ADARB2: variants seen among roughly 807,000 people sequenced by gnomAD.
ADARB2 encodes the protein inactive double-stranded RNA-specific editase B2.
A neutral mutation model predicts 62.2 loss-of-function variants in ADARB2; 25 were observed. The observed-to-expected ratio is 0.40, with a 90% CI of 0.29 to 0.56. The LOEUF is 0.56. Ranked by LOEUF, ADARB2 falls within the 20% of genes least tolerant of loss-of-function variation. The pLI, the probability that ADARB2 is intolerant of heterozygous loss-of-function variation, is 0.43. For synonymous variants in ADARB2, 572 were observed against 500.8 expected (o/e 1.14, Z -1.90); for missense variants, 1,071 against 1,077.4 (o/e 0.99, Z 0.08).
intron 3 of ADARB2, among the ~76,000 whole-genome samples, chr10:1,323,692 CAG>C (rs1831818193): frequency 6.6e-6 from 1 of 151,836 alleles, no homozygotes; most frequent in Non-Finnish European, 1.5e-5. Flanking sequence ...GGAGGAAACA[CAG>C]CCTTAAAAAA....
intron 1 of ADARB2, among the ~76,000 whole-genome samples, chr10:1,472,541 G>T (rs897412951): frequency 6.6e-6 from 1 of 152,218 alleles, no homozygotes; most frequent in African/African-American, 2.4e-5. Context: ...GGGACTTGGA[G>T]GTATGCTGGG....
rs577926634 is a variant in ADARB2 at position 1,298,920 on chromosome 10, T to G, written c.1078-27851A>C. ...ATGCCCGGTTAAGTTTTTATTTTTA[T>G]TTTTTGTAGAGATGGGGTTTCACTA... On this transcript the variant is annotated intron_variant, in intron 3 of 9. Coordinates refer to ENST00000381312, the MANE Select transcript of ADARB2 (RefSeq NM_018702.4). Among the ~76,000 whole-genome samples, 244 of 151,618 alleles carry G rather than the reference T, an allele frequency of 1.6e-3. 1 individual carries two copies. Among genetic ancestry groups the G allele is most frequent in the South Asian group, 0.011 (54 of 4,750 alleles).
rs1266769093 is a variant in ADARB2 at position 1,464,637 on chromosome 10, A to AGT, written c.101-85478_101-85477insAC. Among the ~76,000 whole-genome samples, 22 of 78,670 alleles carry AGT rather than the reference A, an allele frequency of 2.8e-4. 2 individuals carry two copies. The highest frequency in any genetic ancestry group is 5.2e-4 in the African/African-American group (12 of 23,054). The allele number at this position is 78,670 out of a possible 152,430, so 51.6% of individuals were successfully genotyped here. ...CGCGCTGGGGGCAGTCACAGCGGGCAGCACGCTGGAGAAGAGGGTGGACAC... is the reference window on the plus strand; with the variant it reads ...CGCGCTGGGGGCAGTCACAGCGGGCAGTGCACGCTGGAGAAGAGGGTGGACAC... On this transcript the variant is annotated intron_variant, in intron 1 of 9. Transcript: ENST00000381312.
intron 1 of ADARB2, among the ~76,000 whole-genome samples, chr10:1,492,624 GT>G (rs1243481146): frequency 4.6e-5 from 7 of 152,054 alleles, no homozygotes; most frequent in African/African-American, 1.7e-4. Context: ...AGGCTAATAG[GT>G]GGTCCAAGAA....
At chr10:1,266,344 T>C (rs1270860928) in intron 4 of ADARB2, among the ~76,000 whole-genome samples, 1 of 152,288 alleles carries the variant, frequency 6.6e-6, no homozygotes, top group Admixed American at 6.5e-5. Context: ...TTTAAGTAAA[T>C]GGCTGTGGTA....
chr10:1,344,483 G>A (rs932557288), intron 3 of ADARB2, among the ~76,000 whole-genome samples: 1 of 152,186 alleles, frequency 6.6e-6, no homozygotes, highest in African/African-American at 2.4e-5. Context: ...AAGGTAAAAG[G>A]CAAGAATTGT....
chr10:1,207,055 T>C (rs1056493639), intron 7 of ADARB2, among the ~76,000 whole-genome samples: 2 of 152,250 alleles, frequency 1.3e-5, no homozygotes, highest in African/African-American at 4.8e-5. Context: ...AGAGGTGTTA[T>C]GTCACTTAAG....
At chr10:1,736,607 C>T (rs1034372896) in intron 1 of ADARB2, among the ~76,000 whole-genome samples, 1 of 152,238 alleles carries the variant, frequency 6.6e-6, no homozygotes, top group South Asian at 2.1e-4. Context: ...CAGGGCTTCG[C>T]CTATCCCTTC....
chr10:1,303,738 G>T (rs1831597972), intron 3 of ADARB2, among the ~76,000 whole-genome samples: 1 of 152,092 alleles, frequency 6.6e-6, no homozygotes, highest in Non-Finnish European at 1.5e-5. Flanking sequence ...ATTCTTAAAA[G>T]AATTTTCAAC....
In ADARB2 at chr10:1,567,083, G is replaced by A. The variant is rs574243297; in HGVS notation, c.100+169968C>T. 2.0e-5 allele frequency among the ~76,000 whole-genome samples: 3 copies of A among 152,168 alleles called. No homozygotes were observed. In the South Asian group the frequency reaches 6.2e-4, roughly 32 times the overall value. On this transcript the variant is annotated intron_variant, in intron 1 of 9. Coordinates refer to ENST00000381312, the MANE Select transcript of ADARB2 (RefSeq NM_018702.4). ...TTAGAATTGTGGAAGTTTAGAGAGC[G>A]AAGGACGAACAGTAGGAAGGCCAGT...
chr10:1,424,600 C>G (rs188205579), intron 1 of ADARB2, among the ~76,000 whole-genome samples: 9 of 151,758 alleles, frequency 5.9e-5, no homozygotes, highest in African/African-American at 2.2e-4. Flanking sequence ...TTAGTGCCCA[C>G]GGAAGCTTGG....
intron 1 of ADARB2, among the ~76,000 whole-genome samples, chr10:1,615,109 A>T (rs1433401124): frequency 6.6e-6 from 1 of 152,152 alleles, no homozygotes; most frequent in Non-Finnish European, 1.5e-5. Context: ...GAAGTTTTAA[A>T]TTTTTATTTT....
intron 1 of ADARB2, among the ~76,000 whole-genome samples, chr10:1,605,051 T>G (rs1225721971): frequency 1.3e-5 from 2 of 152,148 alleles, no homozygotes; most frequent in Non-Finnish European, 2.9e-5. Context: ...TCTAATAGAG[T>G]TATAGTAATA....
intron 1 of ADARB2, among the ~76,000 whole-genome samples, chr10:1,455,408 T>C (rs1015597664): frequency 6.6e-6 from 1 of 152,198 alleles, no homozygotes; most frequent in African/African-American, 2.4e-5. Flanking sequence ...ACTATGATGA[T>C]ATTGAATTAC....
At chr10:1,376,992 G>A (rs1832435867) in intron 2 of ADARB2, among the ~76,000 whole-genome samples, 1 of 132,634 alleles carries the variant, frequency 7.5e-6, no homozygotes, top group South Asian at 2.6e-4. Context: ...TGTGTGTGGT[G>A]CGTCCCTGGG....
At position 1,631,164 on chromosome 10, in the gene ADARB2, T is replaced by A. The variant is rs577019851; in HGVS notation, c.100+105887A>T. On this transcript the variant is annotated intron_variant, in intron 1 of 9. Coordinates refer to ENST00000381312, the MANE Select transcript of ADARB2 (RefSeq NM_018702.4). ...AAAAGGGTGTGCAACACGTTCGATGTGCCAGGTGCCTCCACGTGGGGTCCC... is the reference window on the plus strand; with the variant it reads ...AAAAGGGTGTGCAACACGTTCGATGAGCCAGGTGCCTCCACGTGGGGTCCC... 2.5e-4 allele frequency among the ~76,000 whole-genome samples: 38 copies of A among 152,306 alleles called. 1 individual carries two copies. In the South Asian group the frequency reaches 7.7e-3, roughly 31 times the overall value.
intron 1 of ADARB2, among the ~76,000 whole-genome samples, chr10:1,551,700 C>T (rs1168978639): frequency 6.6e-6 from 1 of 152,230 alleles, no homozygotes; most frequent in Non-Finnish European, 1.5e-5. Flanking sequence ...GGCGCCAGGG[C>T]CTGGGATTGG....
At chr10:1,564,700 A>G (rs1253514876) in intron 1 of ADARB2, among the ~76,000 whole-genome samples, 3 of 152,066 alleles carry the variant, frequency 2.0e-5, no homozygotes, top group African/African-American at 2.4e-5. Context: ...GCAAATCAAA[A>G]CCACAGCGAG....
rs555658083 is a variant in ADARB2 at position 1,476,234 on chromosome 10, C to G, written c.101-97074G>C. Among the ~76,000 whole-genome samples the G allele has an allele frequency of 2.6e-5, 4 of 152,202 alleles. No individual in the cohort carries two copies. The South Asian group carries it at 8.3e-4, about 32-fold the overall frequency. The stretch of plus-strand genomic sequence containing the variant: ...GAGAGATGAGGGCTGCAGGAAGGAG[C>G]CTGGAGTGGAGCCAGGGGGGCCTGC... On this transcript the variant is annotated intron_variant, in intron 1 of 9. Transcript: ENST00000381312.
Sources: gnomAD v4.1 joint callset for allele counts (sites outside exome capture counted in the v4.1 genomes callset) on GRCh38, gnomAD v4.1.1 for gene constraint, MANE v1.5 for transcripts, NCBI Gene and HGNC (gene_info 2026-07-23, HGNC 2026-07-21) for gene names.